ARSJ: variants seen among roughly 807,000 people sequenced by gnomAD.
The protein encoded by ARSJ is arylsulfatase J.
ARSJ carries 26 observed loss-of-function variants against 35.9 expected under a neutral mutation model. That is an observed-to-expected ratio of 0.72 (90% CI 0.53 to 1.00). The LOEUF is 1.00. ARSJ is among the 50% of genes least tolerant of loss of function. The pLI is 0.00. For synonymous variants in ARSJ, 294 were observed against 267.6 expected (o/e 1.10, Z -0.96); for missense variants, 667 against 723.6 (o/e 0.92, Z 0.90).
At chr4:113,972,701 G>T (rs1017316156) in intron 1 of ARSJ, among the ~76,000 whole-genome samples, 1 of 152,082 alleles carries the variant, frequency 6.6e-6, no homozygotes, top group African/African-American at 2.4e-5. Flanking sequence ...TAGACACAGG[G>T]TCTCACTATG....
chr4:113,940,117 G>T (rs1725050049), intron 1 of ARSJ, among the ~76,000 whole-genome samples: 1 of 152,092 alleles, frequency 6.6e-6, no homozygotes, highest in African/African-American at 2.4e-5. Flanking sequence ...AACACCATTT[G>T]CCCCAGCAAT....
At chr4:113,930,281 T>A (rs1478424892) in intron 1 of ARSJ, among the ~76,000 whole-genome samples, 1 of 151,912 alleles carries the variant, frequency 6.6e-6, no homozygotes, top group Non-Finnish European at 1.5e-5. Flanking sequence ...GGACTTGGAG[T>A]CTGATGTTGG....
chr4:113,934,518 T>C (rs939463642), intron 1 of ARSJ, among the ~76,000 whole-genome samples: 8 of 151,758 alleles, frequency 5.3e-5, no homozygotes, highest in African/African-American at 1.7e-4. Context: ...CACTCATATA[T>C]GGGAGCTAAA....
intron 1 of ARSJ, among the ~76,000 whole-genome samples, chr4:113,918,991 T>C (rs1228221206): frequency 1.3e-5 from 2 of 152,170 alleles, no homozygotes; most frequent in Admixed American, 1.3e-4. Flanking sequence ...AATGCCAAAA[T>C]ATTGGGCTGA....
chr4:113,924,766 G>A (rs1025287686), intron 1 of ARSJ, among the ~76,000 whole-genome samples: 10 of 152,132 alleles, frequency 6.6e-5, no homozygotes, highest in African/African-American at 1.9e-4. Flanking sequence ...TGTTATACAT[G>A]CACAAACATG....
intron 1 of ARSJ, among the ~76,000 whole-genome samples, chr4:113,905,500 G>A (rs905199743): frequency 6.6e-6 from 1 of 152,106 alleles, no homozygotes; most frequent in Non-Finnish European, 1.5e-5. Context: ...TTGCAAAGCA[G>A]CATTCACATG....
chr4:113,930,658 G>C lies in ARSJ; in HGVS notation c.399-26983C>G, dbSNP rs555653699. On this transcript the variant is annotated intron_variant, in intron 1 of 1. Coordinates refer to ENST00000315366, the MANE Select transcript of ARSJ (RefSeq NM_024590.4). ...TTGAAGTATAAATACCATTTGACCC[G>C]GCCATCCCATTACTGGGTATATACC... 2.6e-5 allele frequency among the ~76,000 whole-genome samples: 4 copies of C among 151,436 alleles called. No individual in the cohort carries two copies. In the South Asian group the frequency reaches 8.4e-4, roughly 32 times the overall value.
At chr4:113,927,971 T>G (rs1013578490) in intron 1 of ARSJ, among the ~76,000 whole-genome samples, 2 of 152,136 alleles carry the variant, frequency 1.3e-5, no homozygotes, top group African/African-American at 4.8e-5. Context: ...AGGAAGCCAA[T>G]GTGTGGGTTC....
chr4:113,940,780 T>C (rs892237876), intron 1 of ARSJ, among the ~76,000 whole-genome samples: 6 of 152,014 alleles, frequency 3.9e-5, no homozygotes, highest in African/African-American at 1.4e-4. Flanking sequence ...AAATTCAACA[T>C]GGATTAAAAT....
chr4:113,969,383 A>T (rs1166249227), intron 1 of ARSJ, among the ~76,000 whole-genome samples: 2 of 152,150 alleles, frequency 1.3e-5, no homozygotes, highest in Non-Finnish European at 2.9e-5. Flanking sequence ...TAATCAACAG[A>T]TTAAAATTGG....
At position 113,978,634 on chromosome 4, in the gene ARSJ, C is replaced by T. The variant is rs745693986; in HGVS notation, c.201G>A (p.Glu67=). The part of the protein sequence containing the change: ...ALLAQAGEKL[E]PSTTSTSQPH... ...GCTGGGAGGTGGAAGTTGTGCTGGG[C>T]TCTAGTTTCTCTCCAGCTTGAGCTA... Residue 67 remains glutamate, a synonymous_variant, in exon 1 of 2, where the codon GAG becomes GAA. Coordinates refer to ENST00000315366, the MANE Select transcript of ARSJ (RefSeq NM_024590.4). The T allele has an allele frequency of 9.9e-6, 16 of 1,614,118 alleles. No individual in the cohort carries two copies. In the East Asian group the frequency reaches 3.1e-4, roughly 31 times the overall value.
intron 1 of ARSJ, among the ~76,000 whole-genome samples, chr4:113,937,629 T>C (rs1024924871): frequency 6.6e-6 from 1 of 152,058 alleles, no homozygotes; most frequent in African/African-American, 2.4e-5. Context: ...TGATCCTATA[T>C]CTAGAAAACC....
chr4:113,953,398 T>G (rs1002385014), intron 1 of ARSJ, among the ~76,000 whole-genome samples: 1 of 152,194 alleles, frequency 6.6e-6, no homozygotes, highest in Non-Finnish European at 1.5e-5. Context: ...TTTAGGACCA[T>G]GCAAACAAAA....
At chr4:113,968,552 AAC>A in intron 1 of ARSJ, among the ~76,000 whole-genome samples, 1 of 152,292 alleles carries the variant, frequency 6.6e-6, no homozygotes, top group African/African-American at 2.4e-5. Flanking sequence ...ATGAATGAAG[AAC>A]ACTCTACCAA....
chr4:113,902,059 C>G lies in ARSJ; in HGVS notation c.*215G>C. The stretch of plus-strand genomic sequence containing the variant: ...CAAGAGAAATAAACATCTCCACTCT[C>G]TCTAAGTGTGGCTTGCAAGAGTAGC... On this transcript the variant is annotated 3_prime_UTR_variant, in exon 2 of 2. Coordinates refer to ENST00000315366, the MANE Select transcript of ARSJ (RefSeq NM_024590.4). The G allele has an allele frequency of 1.4e-6, 2 of 1,444,872 alleles. No individual in the cohort carries two copies. Among genetic ancestry groups the G allele is most frequent in the East Asian group, 2.5e-5 (1 of 40,400 alleles). 89.5% of individuals were successfully genotyped at this position (1,444,872 alleles called of 1,614,324 possible). A position where few individuals can be genotyped will look rare whatever the true frequency, so the allele number is the denominator to read the frequency against.
intron 1 of ARSJ, among the ~76,000 whole-genome samples, chr4:113,910,932 A>G (rs2149251842): frequency 6.6e-6 from 1 of 152,306 alleles, no homozygotes; most frequent in Middle Eastern, 3.4e-3. Context: ...TAGTAGAGTC[A>G]GGACACCTCT....
At chr4:113,931,467 T>C (rs550845284) in intron 1 of ARSJ, among the ~76,000 whole-genome samples, 2 of 152,070 alleles carry the variant, frequency 1.3e-5, no homozygotes, top group Admixed American at 6.6e-5. Context: ...CTGCTTACAA[T>C]AGAGTAACGC....
At chr4:113,928,307 C>T (rs1453090449) in intron 1 of ARSJ, among the ~76,000 whole-genome samples, 3 of 152,098 alleles carry the variant, frequency 2.0e-5, no homozygotes, top group East Asian at 1.9e-4. Flanking sequence ...CATAAAATGT[C>T]GGTAATATAG....
At chr4:113,962,777 C>T (rs188952772) in intron 1 of ARSJ, among the ~76,000 whole-genome samples, 11 of 152,170 alleles carry the variant, frequency 7.2e-5, no homozygotes, top group African/African-American at 2.4e-4. Context: ...TCAGGTTCCC[C>T]TTCTGCTCCA....
Sources: allele counts gnomAD v4.1 joint callset (sites outside exome capture counted in the v4.1 genomes callset), GRCh38; gene constraint gnomAD v4.1.1; transcripts MANE v1.5; gene names NCBI Gene and HGNC (gene_info 2026-07-23, HGNC 2026-07-21).